GLCCI1: variants seen among roughly 807,000 people sequenced by gnomAD.
The protein encoded by GLCCI1 is glucocorticoid-induced transcript 1 protein.
In GLCCI1, 24 loss-of-function variants were observed where a neutral mutation model predicts 52.2. The ratio of observed to expected loss-of-function variants is 0.46; its 90% CI spans 0.33 to 0.65. The LOEUF is 0.65. Among genes scored for constraint, GLCCI1 ranks in the 30% least tolerant of loss-of-function variants. GLCCI1 has a pLI of 0.02. For missense variants in GLCCI1, 704 were observed against 701.5 expected, an observed-to-expected ratio of 1.00 and a Z score of -0.04; for synonymous variants, 310 against 276.5, an observed-to-expected ratio of 1.12 and a Z score of -1.20.
At chr7:8,049,121 G>A (rs775915492) in intron 3 of GLCCI1, among the ~76,000 whole-genome samples, 40 of 152,188 alleles carry the variant, frequency 2.6e-4, no homozygotes, top group Non-Finnish European at 4.9e-4. Flanking sequence ...TCATTAGTAC[G>A]TTATATTTTT....
intron 1 of GLCCI1, among the ~76,000 whole-genome samples, chr7:7,972,731 C>T (rs548157317): frequency 6.6e-6 from 1 of 152,012 alleles, no homozygotes; most frequent in South Asian, 2.1e-4. Context: ...AAGCTGAATT[C>T]TATAAATAGG....
intron 3 of GLCCI1, among the ~76,000 whole-genome samples, chr7:8,030,564 T>G (rs1214585129): frequency 6.6e-6 from 1 of 152,078 alleles, no homozygotes; most frequent in Non-Finnish European, 1.5e-5. Flanking sequence ...AGAAAGCTTC[T>G]GCACAGCAAA....
intron 4 of GLCCI1, among the ~76,000 whole-genome samples, chr7:8,059,509 G>A (rs940050822): frequency 5.9e-5 from 9 of 152,104 alleles, no homozygotes; most frequent in Non-Finnish European, 1.5e-5. Context: ...ACAACTATTA[G>A]TGGTAGTTAA....
chr7:7,993,744 T>G (rs556613795), intron 1 of GLCCI1, among the ~76,000 whole-genome samples: 15 of 152,110 alleles, frequency 9.9e-5, no homozygotes, highest in African/African-American at 3.6e-4. Flanking sequence ...TTTATTATGT[T>G]GTAGATGCCA....
At chr7:8,060,066 A>C in intron 4 of GLCCI1, 30 bp from the exon 5 acceptor site, 1 of 1,575,428 alleles carries the variant, frequency 6.3e-7, no homozygotes. Flanking sequence ...ACCACAAATA[A>C]TTTGATACCA....
chr7:8,064,873 A>C (rs912726340), intron 5 of GLCCI1, among the ~76,000 whole-genome samples: 1 of 151,776 alleles, frequency 6.6e-6, no homozygotes, highest in Non-Finnish European at 1.5e-5. Flanking sequence ...ATGCCCAGCG[A>C]ATTTTTTGGT....
chr7:7,990,369 G>C (rs1022566169), intron 1 of GLCCI1, among the ~76,000 whole-genome samples: 1 of 152,080 alleles, frequency 6.6e-6, no homozygotes. Context: ...AGTTCAATCG[G>C]TAATATCAAT....
chr7:7,985,353 C>T (rs910709477), intron 1 of GLCCI1, among the ~76,000 whole-genome samples: 1 of 152,116 alleles, frequency 6.6e-6, no homozygotes, highest in African/African-American at 2.4e-5. Context: ...TCCCTGGCTC[C>T]TGACATTTTC....
At chr7:8,012,089 A>G (rs1318817712) in intron 2 of GLCCI1, among the ~76,000 whole-genome samples, 1 of 152,150 alleles carries the variant, frequency 6.6e-6, no homozygotes, top group Admixed American at 6.5e-5. Context: ...TGCTAGGATT[A>G]CAGGCATGAG....
chr7:8,064,773 T>C (rs920421355), intron 5 of GLCCI1, among the ~76,000 whole-genome samples: 1 of 152,146 alleles, frequency 6.6e-6, no homozygotes, highest in African/African-American at 2.4e-5. Flanking sequence ...AGTGGCATGG[T>C]CTCGGCTCAC....
rs746500062 is a variant in GLCCI1, at chr7:8,022,455, A to G, written c.610-28A>G. ...TTAGGAAGTAGAGATAAAATTTCTT[A>G]TTTTATTTATATATATATTTTTTAA... On this transcript the variant is annotated intron_variant, in intron 2 of 7. Coordinates refer to ENST00000223145, the MANE Select transcript of GLCCI1 (RefSeq NM_138426.4). The G allele has an allele frequency of 1.1e-5, 14 of 1,270,230 alleles. 1 individual carries two copies. The South Asian group carries it at 2.0e-4, about 18-fold the overall frequency. 78.7% of individuals were successfully genotyped at this position (1,270,230 alleles called of 1,614,324 possible).
At chr7:7,998,176 G>GTTTTTT (rs71014742) in intron 1 of GLCCI1, among the ~76,000 whole-genome samples, 1 of 143,680 alleles carries the variant, frequency 7.0e-6, no homozygotes, top group Admixed American at 6.9e-5. Flanking sequence ...AGTTTTTTTT[G>GTTTTTT]TTTTTTTTTT....
chr7:8,018,373 A>G (rs1583975745), intron 2 of GLCCI1, among the ~76,000 whole-genome samples: 1 of 152,318 alleles, frequency 6.6e-6, no homozygotes, highest in South Asian at 2.1e-4. Context: ...AGTTGATAAA[A>G]CTAAAAAGCA....
At chr7:8,055,831 A>C (rs1375221268) in intron 4 of GLCCI1, 3 of 188,940 alleles carry the variant, frequency 1.6e-5, no homozygotes, top group African/African-American at 7.1e-5. Context: ...CTACTGAAAA[A>C]ACACAAAAAA....
intron 3 of GLCCI1, among the ~76,000 whole-genome samples, chr7:8,035,891 A>G (rs1781856449): frequency 6.6e-6 from 1 of 152,152 alleles, no homozygotes; most frequent in African/African-American, 2.4e-5. Context: ...CTTCAGGGCT[A>G]GTGATTGTGT....
chr7:8,013,555 A>G (rs575953307), intron 2 of GLCCI1, among the ~76,000 whole-genome samples: 208 of 152,300 alleles, frequency 1.4e-3, no homozygotes, highest in African/African-American at 4.6e-3. Context: ...AATTTGTACA[A>G]TTCCTCAAAA....
At chr7:7,974,465 G>T (rs1296338299) in intron 1 of GLCCI1, among the ~76,000 whole-genome samples, 1 of 152,086 alleles carries the variant, frequency 6.6e-6, no homozygotes, top group Admixed American at 6.5e-5. Flanking sequence ...TGCCGTGTAC[G>T]TTTCTGTAAG....
chr7:8,020,716 C>G (rs930053964), intron 2 of GLCCI1, among the ~76,000 whole-genome samples: 2 of 152,060 alleles, frequency 1.3e-5, no homozygotes, highest in African/African-American at 4.8e-5. Flanking sequence ...TGTGAATATA[C>G]TTTGAGTTAT....
chr7:8,010,900 TATAAC>T (rs1781250156), intron 2 of GLCCI1, among the ~76,000 whole-genome samples: 1 of 150,688 alleles, frequency 6.6e-6, no homozygotes, highest in African/African-American at 2.4e-5. Context: ...CATCTCTCCT[TATAAC>T]ATATAAATCC....
Sources: gnomAD v4.1 joint callset for allele counts (sites outside exome capture counted in the v4.1 genomes callset) on GRCh38, gnomAD v4.1.1 for gene constraint, MANE v1.5 for transcripts, NCBI Gene and HGNC (gene_info 2026-07-23, HGNC 2026-07-21) for gene names.